The following EXOC4 variants were observed in gnomAD, a reference collection of about 807,000 sequenced individuals.
EXOC4 encodes the protein exocyst complex component 4.
EXOC4 carries 71 observed loss-of-function variants against 107.2 expected under a neutral mutation model. That is an observed-to-expected ratio of 0.66 (90% confidence interval 0.55 to 0.81). EXOC4 has a LOEUF of 0.81. Among genes scored for constraint, EXOC4 ranks in the 30% least tolerant of loss-of-function variants. The pLI, the probability that EXOC4 is intolerant of heterozygous loss-of-function variation, is 0.00. For synonymous variants in EXOC4, 456 were observed against 441.2 expected (o/e 1.03, Z -0.42); for missense variants, 1,108 against 1,189.6 (o/e 0.93, Z 1.01).
At chr7:133,611,059 C>T (rs1200983760) in intron 9 of EXOC4, among the ~76,000 whole-genome samples, 1 of 150,754 alleles carries the variant, frequency 6.6e-6, no homozygotes, top group Non-Finnish European at 1.5e-5. Flanking sequence ...CTGCCTCAGC[C>T]TCCCAAAGGC....
At chr7:133,752,650 C>CA (rs1795818752) in intron 10 of EXOC4, among the ~76,000 whole-genome samples, 1 of 151,730 alleles carries the variant, frequency 6.6e-6, no homozygotes, top group Non-Finnish European at 1.5e-5. Flanking sequence ...TGTTTAAAAA[C>CA]AAAAAACAAA....
At position 133,825,785 on chromosome 7, in the gene EXOC4, A is replaced by G. The variant is rs548934691; in HGVS notation, c.1734+8241A>G. The stretch of plus-strand genomic sequence containing the variant: ...AGTGTAAATAGATTAGTCCCATTTA[A>G]GGTCTGCTGGAAGTCATTATGAAAA... On this transcript the variant is annotated intron_variant, in intron 11 of 17. Coordinates refer to ENST00000253861, the MANE Select transcript of EXOC4 (RefSeq NM_021807.4). 3.9e-5 allele frequency among the ~76,000 whole-genome samples: 6 copies of G among 152,266 alleles called. No individual in the cohort carries two copies. In the South Asian group the frequency reaches 1.2e-3, roughly 32 times the overall value.
chr7:133,963,646 A>G (rs1254596485), intron 14 of EXOC4, among the ~76,000 whole-genome samples: 6 of 152,256 alleles, frequency 3.9e-5, no homozygotes, highest in African/African-American at 1.4e-4. Flanking sequence ...TTAAAGTGTC[A>G]AAAAGGAAAG....
intron 1 of EXOC4, chr7:133,253,452 A>C: frequency 8.3e-7 from 1 of 1,207,386 alleles, no homozygotes; most frequent in Non-Finnish European, 1.0e-6. Flanking sequence ...CGGGACCCCA[A>C]AGCACGCTAT....
At chr7:133,722,224 A>G (rs1449237661) in intron 10 of EXOC4, among the ~76,000 whole-genome samples, 2 of 152,204 alleles carry the variant, frequency 1.3e-5, no homozygotes, top group Non-Finnish European at 2.9e-5. Context: ...CATTGCAATG[A>G]AATGTTGGAA....
intron 11 of EXOC4, among the ~76,000 whole-genome samples, chr7:133,871,198 T>C (rs2116394956): frequency 6.6e-6 from 1 of 152,236 alleles, no homozygotes; most frequent in East Asian, 1.9e-4. Context: ...TATACCTTAT[T>C]ACTGTTTGTG....
intron 10 of EXOC4, among the ~76,000 whole-genome samples, chr7:133,663,796 A>C (rs1032154900): frequency 3.9e-5 from 6 of 152,166 alleles, no homozygotes; most frequent in Non-Finnish European, 8.8e-5. Context: ...CTTATACTTT[A>C]TCTCTTGCTC....
intron 10 of EXOC4, among the ~76,000 whole-genome samples, chr7:133,779,391 C>T (rs552233050): frequency 1.3e-5 from 2 of 152,052 alleles, no homozygotes; most frequent in African/African-American, 4.8e-5. Context: ...CTATAAAATG[C>T]AAAGAATAGG....
the EXOC4 span, among the ~76,000 whole-genome samples, chr7:134,077,676 G>A: frequency 2.1e-3 from 322 of 152,310 alleles, no homozygotes; most frequent in Non-Finnish European, 3.3e-3. Flanking sequence ...GCTTACAGGG[G>A]CATGAAAGCA....
intron 15 of EXOC4, among the ~76,000 whole-genome samples, chr7:134,001,898 T>C (rs1389868438): frequency 1.3e-5 from 2 of 152,230 alleles, no homozygotes; most frequent in Non-Finnish European, 2.9e-5. Flanking sequence ...CTCATGCTAT[T>C]TTACATGGTC....
At chr7:134,060,022 G>A (rs1054730596) in intron 17 of EXOC4, among the ~76,000 whole-genome samples, 1 of 152,044 alleles carries the variant, frequency 6.6e-6, no homozygotes, top group African/African-American at 2.4e-5. Context: ...TTAAAATAAA[G>A]CACAAAAGAA....
chr7:133,690,800 G>A (rs1162529282), intron 10 of EXOC4, among the ~76,000 whole-genome samples: 1 of 152,110 alleles, frequency 6.6e-6, no homozygotes, highest in African/African-American at 2.4e-5. Context: ...AGGACAGGGC[G>A]GATTGGGCTT....
intron 11 of EXOC4, among the ~76,000 whole-genome samples, chr7:133,840,827 C>A (rs990249415): frequency 6.6e-6 from 1 of 151,988 alleles, no homozygotes; most frequent in Non-Finnish European, 1.5e-5. Context: ...TTGGGTGTTA[C>A]CTTTATGATT....
In EXOC4 at chr7:133,503,806, G is replaced by A. The variant is rs375751165; in HGVS notation, c.1417+23668G>A. 3.9e-5 allele frequency among the ~76,000 whole-genome samples: 6 copies of A among 152,202 alleles called. No homozygotes were observed. In the South Asian group the frequency reaches 6.2e-4, roughly 16 times the overall value. On this transcript the variant is annotated intron_variant, in intron 9 of 17. Transcript: ENST00000253861. Reference sequence around the variant, plus strand: ...TGAATTAGGGATTCTTAACCTATGTGTGTTATGTGTTGGGTGGTTTGGGGG... The same window carrying A: ...TGAATTAGGGATTCTTAACCTATGTATGTTATGTGTTGGGTGGTTTGGGGG...
intron 9 of EXOC4, among the ~76,000 whole-genome samples, chr7:133,486,056 A>G (rs1013727921): frequency 2.6e-5 from 4 of 152,096 alleles, no homozygotes; most frequent in African/African-American, 9.7e-5. Context: ...TGGCCTTTCT[A>G]TAGCCCTGAC....
At chr7:133,361,190 G>A (rs1149560) in intron 6 of EXOC4, among the ~76,000 whole-genome samples, 100,308 of 152,148 alleles carry the variant, frequency 0.66, 34,786 homozygotes, top group East Asian at 0.84. Flanking sequence ...GAAGGAAGGC[G>A]TTACTCAAAG....
chr7:134,032,075 A>C (rs773521285), intron 17 of EXOC4, among the ~76,000 whole-genome samples: 5 of 152,312 alleles, frequency 3.3e-5, no homozygotes, highest in Non-Finnish European at 7.3e-5. Flanking sequence ...TGAAATTAGC[A>C]ATCAGTGATT....
intron 10 of EXOC4, among the ~76,000 whole-genome samples, chr7:133,670,831 T>C (rs566769595): frequency 1.2e-4 from 19 of 152,258 alleles, no homozygotes; most frequent in Admixed American, 2.0e-4. Flanking sequence ...TATCAAGTAA[T>C]GAAAAAAACC....
At chr7:133,330,451 GTTCCAAGCATCCC>G (rs1402297650) in intron 5 of EXOC4, among the ~76,000 whole-genome samples, 2 of 152,148 alleles carry the variant, frequency 1.3e-5, no homozygotes, top group Non-Finnish European at 2.9e-5. Flanking sequence ...TCTTGCTGGT[GTTCCAAGCATCCC>G]TGGGGTTTGG....
Sources: gnomAD v4.1 joint callset for allele counts (sites outside exome capture counted in the v4.1 genomes callset) on GRCh38, gnomAD v4.1.1 for gene constraint, MANE v1.5 for transcripts, NCBI Gene and HGNC (gene_info 2026-07-23, HGNC 2026-07-21) for gene names.